The following GNB5 variants were observed in gnomAD, a reference collection of about 807,000 sequenced individuals.
The protein encoded by GNB5 is G protein subunit beta 5.
Under a neutral mutation model 55.3 loss-of-function variants are expected in GNB5, and 37 were observed. The ratio of observed to expected loss-of-function variants is 0.67; its 90% CI spans 0.51 to 0.88. The LOEUF (loss-of-function observed/expected upper bound fraction) is 0.88. Ranked by LOEUF, GNB5 falls within the 40% of genes least tolerant of loss-of-function variation. The probability of loss-of-function intolerance (pLI) is 0.00; values close to 1 mark genes in which losing one functional copy is unlikely to be tolerated. For synonymous variants in GNB5, 219 were observed against 198.5 expected, an observed-to-expected ratio of 1.10 and a Z score of -0.87; for missense variants, 476 against 515.3, an observed-to-expected ratio of 0.92 and a Z score of 0.74.
chr15:52,175,847 G>A (rs544085011), intron 3 of GNB5, among the ~76,000 whole-genome samples: 1 of 152,130 alleles, frequency 6.6e-6, no homozygotes, highest in African/African-American at 2.4e-5. Context: ...TCAGGAGTTC[G>A]AGACCAGCCT....
At chr15:52,138,283 T>G (rs901063521) in intron 7 of GNB5, 7 of 247,466 alleles carry the variant, frequency 2.8e-5, no homozygotes, top group African/African-American at 1.4e-4. Flanking sequence ...CTTGGAAGGC[T>G]GAGGCACTAG....
chr15:52,134,040 C>T (rs1400974033), intron 8 of GNB5, among the ~76,000 whole-genome samples: 1 of 152,248 alleles, frequency 6.6e-6, no homozygotes, highest in Non-Finnish European at 1.5e-5. Context: ...AACCAGGGGC[C>T]CATAAGGGTG....
intron 9 of GNB5, among the ~76,000 whole-genome samples, chr15:52,129,667 C>A (rs1346284040): frequency 2.0e-5 from 3 of 152,198 alleles, no homozygotes; most frequent in Non-Finnish European, 4.4e-5. Context: ...GTATTATCTT[C>A]CAGGTAATAC....
intron 3 of GNB5, among the ~76,000 whole-genome samples, chr15:52,157,447 T>C (rs377752515): frequency 9.9e-4 from 150 of 150,818 alleles, no homozygotes; most frequent in African/African-American, 3.6e-3. Context: ...GGTTTCACCA[T>C]GTTGGCCAGG....
intron 12 of GNB5, among the ~76,000 whole-genome samples, chr15:52,123,157 G>A (rs916586369): frequency 1.1e-4 from 17 of 152,148 alleles, no homozygotes; most frequent in Non-Finnish European, 1.9e-4. Flanking sequence ...CCAGGAAGAT[G>A]AACTCACAGA....
intron 11 of GNB5, 180 bp from the exon 12 acceptor site, chr15:52,124,819 T>G (rs1019436645): frequency 1.4e-5 from 8 of 584,454 alleles, no homozygotes; most frequent in Non-Finnish European, 2.1e-5. Flanking sequence ...TTGGAGGATG[T>G]GGGGCTGAAA....
At chr15:52,174,843 A>G (rs1248876505) in intron 3 of GNB5, among the ~76,000 whole-genome samples, 3 of 152,060 alleles carry the variant, frequency 2.0e-5, no homozygotes, top group Non-Finnish European at 2.9e-5. Flanking sequence ...GAACTTTGGG[A>G]GGCTGAGGCG....
intron 6 of GNB5, among the ~76,000 whole-genome samples, chr15:52,143,473 T>G (rs1003739517): frequency 6.6e-6 from 1 of 152,268 alleles, no homozygotes; most frequent in African/African-American, 2.4e-5. Flanking sequence ...CTTGCACACA[T>G]GAGATCATAG....
At position 52,117,102 on chromosome 15, in the gene GNB5, A is replaced by ATATATATATATATATATATATATTTTT; in HGVS notation, c.*5654_*5655insAAAAATATATATATATATATATATATA. 4 of 87,094 alleles carry ATATATATATATATATATATATATTTTT rather than the reference A, an allele frequency of 4.6e-5. No individual in the cohort carries two copies. Among genetic ancestry groups the ATATATATATATATATATATATATTTTT allele is most frequent in the African/African-American group, 1.2e-4 (2 of 16,442 alleles). The allele number at this position is 87,094 out of a possible 1,614,324, so 5.4% of individuals were successfully genotyped here. A position where few individuals can be genotyped will look rare whatever the true frequency, so the allele number is the denominator to read the frequency against. On this transcript the variant is annotated 3_prime_UTR_variant, in exon 13 of 13. Transcript: ENST00000261837. The stretch of plus-strand genomic sequence containing the variant: ...CCACGCCCAGCTAATATATATATAT[A>ATATATATATATATATATATATATTTTT]TTTTTTTTTAGTACAGACAGGGTTT...
chr15:52,163,017 G>T (rs994011403), intron 3 of GNB5, among the ~76,000 whole-genome samples: 13 of 152,280 alleles, frequency 8.5e-5, no homozygotes, highest in Non-Finnish European at 1.8e-4. Flanking sequence ...AGCTAGTCGG[G>T]GCGACTCACA....
At position 52,149,932 on chromosome 15, in the gene GNB5, G is replaced by C; in HGVS notation, c.376-7C>G. On this transcript the variant is annotated splice_polypyrimidine_tract_variant and splice_region_variant and intron_variant, in intron 4 of 12. Transcript: ENST00000261837. ...ACACGATCACCTTCCCATCCTGGAGGGAGAAGAGCAAACAGTTTAGGGGTT... is the reference window on the plus strand; with the variant it reads ...ACACGATCACCTTCCCATCCTGGAGCGAGAAGAGCAAACAGTTTAGGGGTT... The C allele has an allele frequency of 2.5e-6, 4 of 1,607,356 alleles. No homozygotes were observed. Among genetic ancestry groups the C allele is most frequent in the Non-Finnish European group, 1.7e-6 (2 of 1,173,868 alleles).
chr15:52,173,169 T>C (rs2034586199), intron 3 of GNB5, among the ~76,000 whole-genome samples: 1 of 152,188 alleles, frequency 6.6e-6, no homozygotes, highest in South Asian at 2.1e-4. Flanking sequence ...CAACAAAGAA[T>C]AAATGAATGA....
chr15:52,152,474 C>G lies in GNB5; in HGVS notation c.375+1466G>C, dbSNP rs183841536. On this transcript the variant is annotated intron_variant, in intron 4 of 12. Transcript: ENST00000261837. Reference sequence around the variant, plus strand: ...GAGTAGCTGGGATTACAGGCTCCCACCACCATGCCCAGCTAATTTTTGTAT... The same window carrying G: ...GAGTAGCTGGGATTACAGGCTCCCAGCACCATGCCCAGCTAATTTTTGTAT... Among the ~76,000 whole-genome samples the G allele has an allele frequency of 3.1e-3, 473 of 152,146 alleles. 1 individual carries two copies. The highest frequency in any genetic ancestry group is 0.011 in the African/African-American group (463 of 41,484).
At chr15:52,141,827 T>C (rs1156730095) in intron 6 of GNB5, among the ~76,000 whole-genome samples, 1 of 152,166 alleles carries the variant, frequency 6.6e-6, no homozygotes, top group African/African-American at 2.4e-5. Flanking sequence ...TTTGAGAAAA[T>C]CAACAAAACC....
Position 52,120,635 on chromosome 15 carries a change from T to A in GNB5, c.*2122A>T, listed in dbSNP as rs555568691. The A allele has an allele frequency of 3.9e-5, 5 of 129,608 alleles. No homozygotes were observed. Among genetic ancestry groups the A allele is most frequent in the Admixed American group, 7.4e-5 (1 of 13,512 alleles). The allele number at this position is 129,608 out of a possible 1,614,324, so 8.0% of individuals were successfully genotyped here. A position where few individuals can be genotyped will look rare whatever the true frequency, so the allele number is the denominator to read the frequency against. ...CACAGTGCAGAGACAAAAAAAAAAA[T>A]GGCTGTGGGAGAGAGGGTTGGGGAT... is the stretch of plus-strand genomic sequence containing the variant. On this transcript the variant is annotated 3_prime_UTR_variant, in exon 13 of 13. Coordinates refer to ENST00000261837, the MANE Select transcript of GNB5 (RefSeq NM_016194.4).
chr15:52,122,702 T>C lies in GNB5; in HGVS notation c.*55A>G. 1.4e-6 allele frequency: 2 copies of C among 1,388,288 alleles called. No individual in the cohort carries two copies. The highest frequency in any genetic ancestry group is 2.1e-6 in the Non-Finnish European group (2 of 974,102). The allele number at this position is 1,388,288 out of a possible 1,614,324, so 86.0% of individuals were successfully genotyped here. ...AGCTCCTCTAGAAGTAATATCTATT[T>C]ACATGTGAAGATTTCAAATTCTCAG... On this transcript the variant is annotated 3_prime_UTR_variant, in exon 13 of 13. Coordinates refer to ENST00000261837, the MANE Select transcript of GNB5 (RefSeq NM_016194.4).
intron 5 of GNB5, 143 bp from the exon 6 acceptor site, chr15:52,147,678 C>T (rs1231463463): frequency 3.0e-5 from 13 of 430,890 alleles, no homozygotes; most frequent in Middle Eastern, 6.7e-4. Context: ...CATCTGCCTC[C>T]GGGGTTCAAG....
At chr15:52,161,986 C>G (rs1332432893) in intron 3 of GNB5, among the ~76,000 whole-genome samples, 1 of 152,154 alleles carries the variant, frequency 6.6e-6, no homozygotes, top group East Asian at 1.9e-4. Context: ...AGCTGGTGAA[C>G]AGTGGAGGGA....
chr15:52,186,303 C>T (rs2034845850), intron 1 of GNB5, among the ~76,000 whole-genome samples: 1 of 152,188 alleles, frequency 6.6e-6, no homozygotes, highest in Admixed American at 6.6e-5. Flanking sequence ...AAAGGCCAAA[C>T]AGAGATAATG....
Sources: allele counts gnomAD v4.1 joint callset (sites outside exome capture counted in the v4.1 genomes callset), GRCh38; gene constraint gnomAD v4.1.1; transcripts MANE v1.5; gene names NCBI Gene and HGNC (gene_info 2026-07-23, HGNC 2026-07-21).